Variants in SLC11A1 observed in about 807,000 individuals in gnomAD.
SLC11A1 encodes the protein natural resistance-associated macrophage protein 1.
SLC11A1 carries 59 observed loss-of-function variants against 63.2 expected under a neutral mutation model. The observed-to-expected ratio is 0.93, with a 90% CI of 0.76 to 1.16. The LOEUF (loss-of-function observed/expected upper bound fraction) is 1.16. Among genes scored for constraint, SLC11A1 ranks in the 50% most tolerant of loss-of-function variants. The pLI, the probability that SLC11A1 is intolerant of heterozygous loss-of-function variation, is 0.00. For synonymous variants in SLC11A1, 305 were observed against 307.8 expected, an observed-to-expected ratio of 0.99 and a Z score of 0.09; for missense variants, 688 against 730.7, an observed-to-expected ratio of 0.94 and a Z score of 0.67.
chr2:218,392,732 C>T, intron 11 of SLC11A1: 2 of 432,426 alleles, frequency 4.6e-6, no homozygotes, highest in Non-Finnish European at 8.2e-6. Flanking sequence ...CTGGAAGCTG[C>T]AGACCCAGGA....
chr2:218,387,007 T>G, intron 5 of SLC11A1, 153 bp from the exon 6 acceptor site: 1 of 739,434 alleles, frequency 1.4e-6, no homozygotes, highest in South Asian at 1.6e-5. Flanking sequence ...TCGACTGTTC[T>G]ATGCCACACT....
intron 8 of SLC11A1, 33 bp downstream of exon 8, chr2:218,387,988 C>T (rs772176872): frequency 1.7e-5 from 26 of 1,555,822 alleles, no homozygotes; most frequent in Non-Finnish European, 2.3e-5. Context: ...GAGACCCCCT[C>T]ACTCAGTCGG....
intron 9 of SLC11A1, 62 bp downstream of exon 9, chr2:218,390,090 C>T (rs949780761): frequency 6.5e-6 from 10 of 1,542,080 alleles, no homozygotes; most frequent in Admixed American, 1.9e-5. Flanking sequence ...TAAGCCTTGC[C>T]GAGGACCCTA....
intron 4 of SLC11A1, 112 bp downstream of exon 4, chr2:218,385,378 T>C (rs1696035618): frequency 6.8e-7 from 1 of 1,462,958 alleles, no homozygotes; most frequent in Non-Finnish European, 9.5e-7. Flanking sequence ...ATCCCAAGTC[T>C]GTTTGTTTTT....
At position 218,394,205 on chromosome 2, in the gene SLC11A1, C is replaced by T. The variant is rs1328769681; in HGVS notation, c.1388+12C>T. 3 of 1,613,456 alleles carry T rather than the reference C, an allele frequency of 1.9e-6. No individual in the cohort carries two copies. The highest frequency in any genetic ancestry group is 1.3e-5 in the African/African-American group (1 of 75,044). On this transcript the variant is annotated intron_variant, in intron 13 of 14. Transcript: ENST00000233202. ...TTTGCCAATGGCCTGTGAGTACCCC[C>T]TTTCCCAAGTGCTGGATTGCATCAC...
chr2:218,386,530 C>A, intron 4 of SLC11A1, 105 bp from the exon 5 acceptor site: 1 of 752,066 alleles, frequency 1.3e-6, no homozygotes, highest in Non-Finnish European at 2.3e-6. Context: ...AGCCCATTGG[C>A]CAGACTGTCT....
chr2:218,390,134 C>T, intron 9 of SLC11A1, 106 bp downstream of exon 9: 2 of 1,174,498 alleles, frequency 1.7e-6, no homozygotes, highest in Non-Finnish European at 2.4e-6. Context: ...AGTCTCTGCC[C>T]TGATGATCTT....
intron 8 of SLC11A1, among the ~76,000 whole-genome samples, chr2:218,388,581 A>G (rs1696257800): frequency 1.4e-5 from 2 of 146,306 alleles, no homozygotes; most frequent in African/African-American, 5.1e-5. Context: ...GCGGATCACG[A>G]GGTCAGGAGT....
In SLC11A1 at chr2:218,394,258, G is replaced by A. The variant is rs550352966; in HGVS notation, c.1388+65G>A. The A allele has an allele frequency of 9.4e-6, 14 of 1,495,078 alleles. No homozygotes were observed. The East Asian group carries it at 2.7e-4, about 29-fold the overall frequency. 92.6% of individuals were successfully genotyped at this position (1,495,078 alleles called of 1,614,324 possible). ...CATTTCATCCTCACAGCCACCCAGA[G>A]GTACGAGCTACAATTCTCCCCATTA... is the stretch of plus-strand genomic sequence containing the variant. On this transcript the variant is annotated intron_variant, in intron 13 of 14. Transcript: ENST00000233202.
At position 218,384,531 on chromosome 2, in the gene SLC11A1, C is replaced by A. The variant is rs1695972476; in HGVS notation, c.273+166C>A. On this transcript the variant is annotated intron_variant, in intron 3 of 14. Transcript: ENST00000233202. This position sits in a 1 kb window ranked among gnomAD's most constrained non-coding sequence, Gnocchi z 4.0. ...AGGGCAGCCCTGCCAGAAGGTGGGG[C>A]ATTTGTGTGGGGGGTAGGGGACTGG... 17 of 560,216 alleles carry A rather than the reference C, an allele frequency of 3.0e-5. No homozygotes were observed. Among genetic ancestry groups the A allele is most frequent in the Non-Finnish European group, 3.5e-5 (12 of 339,538 alleles). The allele number at this position is 560,216 out of a possible 1,614,324, so 34.7% of individuals were successfully genotyped here.
chr2:218,394,859 G>T (rs1696668120), intron 14 of SLC11A1, 66 bp from the exon 15 acceptor site: 1 of 1,607,228 alleles, frequency 6.2e-7, no homozygotes, highest in Non-Finnish European at 8.5e-7. Context: ...GAGGGTTTGG[G>T]GGGACACAAT....
intron 5 of SLC11A1, 43 bp from the exon 6 acceptor site, chr2:218,387,117 C>A: frequency 7.0e-6 from 11 of 1,572,756 alleles, no homozygotes; most frequent in Non-Finnish European, 8.8e-6. Context: ...GAGTTAGAGA[C>A]CCCTGGACCA....
At chr2:218,393,744 C>A (rs1696587057) in intron 12 of SLC11A1, among the ~76,000 whole-genome samples, 1 of 151,828 alleles carries the variant, frequency 6.6e-6, no homozygotes, top group Admixed American at 6.6e-5. Flanking sequence ...TCCCAAAGTG[C>A]AAGGATTACA....
At position 218,394,942 on chromosome 2, in the gene SLC11A1, T is replaced by C. The variant is rs376066681; in HGVS notation, c.1560T>C (p.Leu520=). ...TCCCCCAGGTCTGGACCTGTTGCCT[T>C]GCCCACGGAGCCACCTTTCTGGCCC... ...LSTYLVWTCC[L]AHGATFLAHS... Residue 520 remains leucine (L), a synonymous_variant, in exon 15 of 15, where the codon CTT becomes CTC. Transcript: ENST00000233202. 6.8e-6 allele frequency: 11 copies of C among 1,613,028 alleles called. No individual in the cohort carries two copies. The African/African-American group carries it at 1.5e-4, about 22-fold the overall frequency.
At position 218,395,219 on chromosome 2, in the gene SLC11A1, C is replaced by T. The variant is rs1696694667; in HGVS notation, c.*184C>T. ...ATTACCCTCTGGGTCTCAGTGTCCT[C>T]ATCTGTAAAATGGAGACACCACCAC... On this transcript the variant is annotated 3_prime_UTR_variant, in exon 15 of 15. Coordinates refer to ENST00000233202, the MANE Select transcript of SLC11A1 (RefSeq NM_000578.4). 5 of 590,220 alleles carry T rather than the reference C, an allele frequency of 8.5e-6. No homozygotes were observed. The Admixed American group carries it at 8.8e-5, about 10-fold the overall frequency. The allele number at this position is 590,220 out of a possible 1,614,324, so 36.6% of individuals were successfully genotyped here. A position where few individuals can be genotyped will look rare whatever the true frequency, so the allele number is the denominator to read the frequency against.
intron 6 of SLC11A1, 106 bp downstream of exon 6, chr2:218,387,336 C>T: frequency 8.5e-7 from 1 of 1,170,890 alleles, no homozygotes; most frequent in East Asian, 2.3e-5. Flanking sequence ...AGCTCCCTCA[C>T]TCTCCCTGGG....
chr2:218,389,803 G>T, intron 8 of SLC11A1, 67 bp from the exon 9 acceptor site: 1 of 1,509,274 alleles, frequency 6.6e-7, no homozygotes, highest in Non-Finnish European at 9.0e-7. Flanking sequence ...ATAGAAGTGT[G>T]AGGGTGGGGG....
Position 218,389,888 on chromosome 2 carries a change from GC to G in SLC11A1, c.817del (p.Arg273AlafsTer13), listed in dbSNP as rs1696330143. Reference sequence around the variant, plus strand: ...TTCGTAGTCTCGAGAGATAGACCGGGCCCGCCGAGCAGACATCAGAGAAGCC... The same window carrying G: ...TTCGTAGTCTCGAGAGATAGACCGGGCCGCCGAGCAGACATCAGAGAAGCC... ...ALVKSREIDR[A>X]RRADIREANM... On this transcript the variant is annotated frameshift_variant, in exon 9 of 15. Coordinates refer to ENST00000233202, the MANE Select transcript of SLC11A1 (RefSeq NM_000578.4). LOFTEE classifies it high-confidence loss of function. 1 of 1,612,390 alleles carries G rather than the reference GC, an allele frequency of 6.2e-7. No homozygotes were observed. Among genetic ancestry groups the G allele is most frequent in the Admixed American group, 1.7e-5 (1 of 59,828 alleles).
intron 11 of SLC11A1, chr2:218,392,755 T>G: frequency 2.2e-6 from 1 of 462,148 alleles, no homozygotes; most frequent in Non-Finnish European, 3.8e-6. Flanking sequence ...AACAGAAGCC[T>G]TTTCCCCAAA....
Sources: gnomAD v4.1 joint callset for allele counts (sites outside exome capture counted in the v4.1 genomes callset) on GRCh38, gnomAD v4.1.1 for gene constraint, Gnocchi (gnomAD v3.1) non-coding constraint, MANE v1.5 for transcripts, NCBI Gene and HGNC (gene_info 2026-07-23, HGNC 2026-07-21) for gene names.